SESTD1: variants seen among roughly 807,000 people sequenced by gnomAD.
The protein encoded by SESTD1 is SEC14 domain and spectrin repeat-containing protein 1.
Under a neutral mutation model 101.7 loss-of-function variants are expected in SESTD1, and 43 were observed. The ratio of observed to expected loss-of-function variants is 0.42; its 90% CI spans 0.33 to 0.55. The LOEUF is 0.55. SESTD1 is among the 20% of genes least tolerant of loss of function. SESTD1 has a pLI of 0.07. For synonymous variants in SESTD1, 283 were observed against 286.8 expected (o/e 0.99, Z 0.13); for missense variants, 647 against 815.1 (o/e 0.79, Z 2.51).
In SESTD1 at chr2:179,132,360, T is replaced by C. The variant is rs370945479; in HGVS notation, c.916A>G (p.Ile306Val). The C allele has an allele frequency of 7.4e-5, 116 of 1,573,096 alleles. No homozygotes were observed. The highest frequency in any genetic ancestry group is 9.3e-5 in the Non-Finnish European group (109 of 1,167,700). Residue 306 changes from isoleucine to valine, a missense_variant, in exon 10 of 18, where the codon ATT (isoleucine) becomes GTT (valine). Around this residue, in one of 3 missense-constraint regions of SESTD1, gnomAD observed 476 missense variants for 562.6 expected, o/e 0.85. Coordinates refer to ENST00000428443, the MANE Select transcript of SESTD1 (RefSeq NM_178123.5). ...TGCTGTAGGGCCTGGGAGGCCCTAA[T>C]GGAGTCTCCAATGCCCCACTGGGCT... ...LRAQWGIGDS[I>V]RASQALQQKH... is the part of the protein sequence containing the mutation.
intron 1 of SESTD1, among the ~76,000 whole-genome samples, chr2:179,262,954 C>T (rs2047503483): frequency 6.6e-6 from 1 of 152,188 alleles, no homozygotes; most frequent in African/African-American, 2.4e-5. Context: ...TCTCTTACAT[C>T]AATTATTCCA....
chr2:179,248,709 T>A (rs2047268916), intron 1 of SESTD1, among the ~76,000 whole-genome samples: 1 of 151,796 alleles, frequency 6.6e-6, no homozygotes, highest in Admixed American at 6.6e-5. Flanking sequence ...CTTCATCAAC[T>A]TGATGAAGAG....
intron 2 of SESTD1, among the ~76,000 whole-genome samples, chr2:179,186,895 T>C (rs1321429285): frequency 1.3e-5 from 2 of 151,878 alleles, no homozygotes; most frequent in Non-Finnish European, 2.9e-5. Flanking sequence ...TCACACACAA[T>C]GGGAACCCTG....
At chr2:179,224,385 GCATTTAAACCTAA>G (rs2046853947) in intron 1 of SESTD1, among the ~76,000 whole-genome samples, 1 of 152,166 alleles carries the variant, frequency 6.6e-6, no homozygotes, top group Admixed American at 6.5e-5. Flanking sequence ...AGCAAAACTG[GCATTTAAACCTAA>G]GGCTAAGTCC....
chr2:179,221,649 G>A (rs1559149468), intron 1 of SESTD1, among the ~76,000 whole-genome samples: 1 of 150,366 alleles, frequency 6.7e-6, no homozygotes, highest in Non-Finnish European at 1.5e-5. Context: ...CAGGCATGGT[G>A]GCTCATGCCT....
At position 179,264,810 on chromosome 2, in the gene SESTD1, C is replaced by T. The variant is rs2047540653; in HGVS notation, c.-337G>A. Reference sequence around the variant, plus strand: ...CCCGGGTGACGGCGGTACAGCAACCCGCCCGGCGCGGGAAGGAGGAAGGAG... The same window carrying T: ...CCCGGGTGACGGCGGTACAGCAACCTGCCCGGCGCGGGAAGGAGGAAGGAG... On this transcript the variant is annotated 5_prime_UTR_variant, in exon 1 of 18. Coordinates refer to ENST00000428443, the MANE Select transcript of SESTD1 (RefSeq NM_178123.5). 1 of 150,930 alleles carries T rather than the reference C, an allele frequency of 6.6e-6. No individual in the cohort carries two copies. Among genetic ancestry groups the T allele is most frequent in the Non-Finnish European group, 1.5e-5 (1 of 67,532 alleles). The allele number at this position is 150,930 out of a possible 1,614,324, so 9.3% of individuals were successfully genotyped here.
At chr2:179,117,485 ATCT>A in intron 14 of SESTD1, 44 bp downstream of exon 14, 1 of 1,479,644 alleles carries the variant, frequency 6.8e-7, no homozygotes, top group Non-Finnish European at 9.1e-7. Context: ...GATAAAATCA[ATCT>A]TCTAAGAAAA....
intron 1 of SESTD1, among the ~76,000 whole-genome samples, chr2:179,196,629 T>A (rs1209616564): frequency 6.6e-6 from 1 of 152,134 alleles, no homozygotes; most frequent in Non-Finnish European, 1.5e-5. Context: ...GCAGACTGCC[T>A]CCTCAAGTGG....
chr2:179,134,578 C>T (rs1000775365), intron 9 of SESTD1, among the ~76,000 whole-genome samples: 1 of 152,182 alleles, frequency 6.6e-6, no homozygotes, highest in African/African-American at 2.4e-5. Context: ...CTATGACTAA[C>T]ACATATATAG....
intron 1 of SESTD1, among the ~76,000 whole-genome samples, chr2:179,204,864 T>C (rs1199021584): frequency 7.5e-6 from 1 of 133,536 alleles, no homozygotes; most frequent in East Asian, 2.0e-4. Context: ...CTCAGTTGTC[T>C]ATGGGATGTT....
At chr2:179,143,486 T>TGG (rs2045324596) in intron 9 of SESTD1, 106 bp downstream of exon 9, 1 of 825,272 alleles carries the variant, frequency 1.2e-6, no homozygotes, top group African/African-American at 1.8e-5. Flanking sequence ...CAGTTTGATG[T>TGG]GTTCTAAGGT....
intron 5 of SESTD1, among the ~76,000 whole-genome samples, chr2:179,166,039 G>C (rs1015066952): frequency 6.6e-6 from 1 of 152,180 alleles, no homozygotes. Flanking sequence ...TGGAACTGGA[G>C]TACTTGCTTA....
rs958443614 is a variant in SESTD1, at chr2:179,197,135, C to T, written c.-25-5269G>A. On this transcript the variant is annotated intron_variant, in intron 1 of 17. Coordinates refer to ENST00000428443, the MANE Select transcript of SESTD1 (RefSeq NM_178123.5). ...TTAAAGGAGCTGATGGAGCTGAAAA[C>T]CAAGGCTCGAGAACTACGTGAAGAA... Among the ~76,000 whole-genome samples, 4 of 152,152 alleles carry T rather than the reference C, an allele frequency of 2.6e-5. No homozygotes were observed. In the East Asian group the frequency reaches 5.8e-4, roughly 22 times the overall value.
At chr2:179,118,244 G>C (rs1401047654) in intron 13 of SESTD1, among the ~76,000 whole-genome samples, 1 of 151,938 alleles carries the variant, frequency 6.6e-6, no homozygotes, top group African/African-American at 2.4e-5. Flanking sequence ...AAACTAGATG[G>C]AGGGCTTAAA....
At chr2:179,194,207 C>T (rs931405570) in intron 1 of SESTD1, among the ~76,000 whole-genome samples, 1 of 152,188 alleles carries the variant, frequency 6.6e-6, no homozygotes, top group Admixed American at 6.6e-5. Context: ...CCCTCAACAT[C>T]CCAACCTTTG....
At chr2:179,189,468 T>C (rs768507937) in intron 2 of SESTD1, among the ~76,000 whole-genome samples, 2 of 152,148 alleles carry the variant, frequency 1.3e-5, no homozygotes, top group Non-Finnish European at 2.9e-5. Flanking sequence ...AACATTATGC[T>C]GAACAGGCAA....
rs898705755 is a variant in SESTD1 at position 179,106,486 on chromosome 2, A to G, written c.*3413T>C. 1 of 152,170 alleles carries G rather than the reference A, an allele frequency of 6.6e-6. No homozygotes were observed. Among genetic ancestry groups the G allele is most frequent in the Non-Finnish European group, 1.5e-5 (1 of 68,026 alleles). 9.4% of individuals were successfully genotyped at this position (152,170 alleles called of 1,614,324 possible). A position where few individuals can be genotyped will look rare whatever the true frequency, so the allele number is the denominator to read the frequency against. On this transcript the variant is annotated 3_prime_UTR_variant, in exon 18 of 18. Transcript: ENST00000428443. The stretch of plus-strand genomic sequence containing the variant: ...CTTCATAATCACATCATTGGTAACA[A>G]TGGGTTTAGATCAGAGTATGGTTTA...
At chr2:179,111,231 C>CAAGT (rs554317349) in intron 17 of SESTD1, among the ~76,000 whole-genome samples, 3 of 152,108 alleles carry the variant, frequency 2.0e-5, no homozygotes, top group Non-Finnish European at 1.5e-5. Context: ...TCTGATTGTT[C>CAAGT]AAGTTTAGGT....
At chr2:179,166,921 G>A (rs2045844827) in intron 5 of SESTD1, among the ~76,000 whole-genome samples, 1 of 152,158 alleles carries the variant, frequency 6.6e-6, no homozygotes, top group Admixed American at 6.5e-5. Context: ...CTAGGAAAAG[G>A]GCAAGATGAG....
Sources: gnomAD v4.1 joint callset for allele counts (sites outside exome capture counted in the v4.1 genomes callset) on GRCh38, gnomAD v4.1.1 for gene constraint, gnomAD v4.1.1 regional missense constraint, MANE v1.5 for transcripts, NCBI Gene and HGNC (gene_info 2026-07-23, HGNC 2026-07-21) for gene names.